The following RNF128 variants were observed in gnomAD, a reference collection of about 807,000 sequenced individuals.
The protein encoded by RNF128 is E3 ubiquitin-protein ligase RNF128.
A neutral mutation model predicts 26.2 loss-of-function variants in RNF128; 13 were observed. The ratio of observed to expected loss-of-function variants is 0.50; its 90% CI spans 0.32 to 0.79. RNF128 has a LOEUF of 0.79. Ranked by LOEUF, RNF128 falls within the 30% of genes least tolerant of loss-of-function variation. The pLI is 0.03. For synonymous variants in RNF128, 149 were observed against 142.5 expected (o/e 1.05, Z -0.32); for missense variants, 315 against 349.7 (o/e 0.90, Z 0.79).
chrX:106,765,895 T>A (rs1371080772), intron 1 of RNF128, among the ~76,000 whole-genome samples: 1 of 80,134 alleles, frequency 1.2e-5, no homozygotes, highest in Non-Finnish European at 2.3e-5. Context: ...CAGGCTCCAG[T>A]GTGTGATGTT....
rs1227303186 is a variant in RNF128, at chrX:106,726,739, C to T, written c.-175C>T. 1 of 1,045,578 alleles carries T rather than the reference C, an allele frequency of 9.6e-7. No individual in the cohort carries two copies. Among genetic ancestry groups the T allele is most frequent in the Non-Finnish European group, 1.2e-6 (1 of 821,962 alleles). 86.2% of individuals were successfully genotyped at this position (1,045,578 alleles called of 1,213,427 possible). A position where few individuals can be genotyped will look rare whatever the true frequency, so the allele number is the denominator to read the frequency against. ...AGACTGGAGCTCCGAGGAGCTGCATCTGCGGCAACCTGTGTGCTGACGCTA... is the reference window on the plus strand; with the variant it reads ...AGACTGGAGCTCCGAGGAGCTGCATTTGCGGCAACCTGTGTGCTGACGCTA... On this transcript the variant is annotated 5_prime_UTR_variant, in exon 1 of 7. Transcript: ENST00000255499.
At chrX:106,779,349 G>GTGTGTA (rs1491280622) in intron 2 of RNF128, among the ~76,000 whole-genome samples, 6 of 24,658 alleles carry the variant, frequency 2.4e-4, no homozygotes, top group African/African-American at 3.6e-4. Flanking sequence ...ACACAGTTAC[G>GTGTGTA]TGTGTGTGTG....
rs376454194 is a variant in RNF128, at chrX:106,743,915, A to G, written c.484+16518A>G. Among the ~76,000 whole-genome samples the G allele has an allele frequency of 9.8e-5, 11 of 112,129 alleles. No individual in the cohort carries two copies. In the East Asian group the frequency reaches 2.5e-3, roughly 26 times the overall value. On this transcript the variant is annotated intron_variant, in intron 1 of 6. Transcript: ENST00000255499. ...TGGCACATATACACCATGGAATACT[A>G]TGCAGCCATAAAACATGATGAGTTC...
At chrX:106,742,358 A>C (rs1322213168) in intron 1 of RNF128, among the ~76,000 whole-genome samples, 1 of 111,687 alleles carries the variant, frequency 9.0e-6, no homozygotes, top group South Asian at 3.8e-4. Flanking sequence ...AACAAACTCC[A>C]ATCCAGTATT....
rs747560268 is a variant in RNF128, at chrX:106,747,593, G to A, written c.484+20196G>A. The stretch of plus-strand genomic sequence containing the variant: ...TTCTGATCCCATTTGAGTTACTTTG[G>A]CTACATTATACTGTTTCTCTCTCCC... On this transcript the variant is annotated intron_variant, in intron 1 of 6. Coordinates refer to ENST00000255499, the MANE Select transcript of RNF128 (RefSeq NM_194463.2). Among the ~76,000 whole-genome samples, 3 of 111,131 alleles carry A rather than the reference G, an allele frequency of 2.7e-5. No homozygotes were observed. The South Asian group carries it at 1.1e-3, about 42-fold the overall frequency.
chrX:106,752,447 A>C (rs779551470), intron 1 of RNF128, among the ~76,000 whole-genome samples: 6 of 112,467 alleles, frequency 5.3e-5, no homozygotes, highest in Non-Finnish European at 1.1e-4. Context: ...AGACCACCAA[A>C]ACAGTACCTC....
intron 1 of RNF128, among the ~76,000 whole-genome samples, chrX:106,759,941 A>G (rs1297660949): frequency 2.7e-5 from 3 of 111,706 alleles, no homozygotes; most frequent in East Asian, 2.8e-4. Context: ...CATAACTGGA[A>G]TGTTTGTAAC....
At chrX:106,718,785 A>G (rs1163978145) in intron 1 of RNF128, among the ~76,000 whole-genome samples, 1 of 111,993 alleles carries the variant, frequency 8.9e-6, no homozygotes, top group East Asian at 2.8e-4. Flanking sequence ...ACATAACCGT[A>G]ACACTTGTCT....
At chrX:106,790,697 C>T (rs765304673) in intron 5 of RNF128, among the ~76,000 whole-genome samples, 1 of 110,842 alleles carries the variant, frequency 9.0e-6, no homozygotes, top group South Asian at 3.8e-4. Context: ...AACATAAAAT[C>T]GAGCTCAAAT....
intron 2 of RNF128, among the ~76,000 whole-genome samples, chrX:106,779,314 G>T (rs1402390508): frequency 9.3e-6 from 1 of 107,971 alleles, no homozygotes; most frequent in Non-Finnish European, 1.9e-5. Context: ...TAAAATGATT[G>T]ACATAAATTA....
Position 106,788,427 on chromosome X carries a change from T to A in RNF128, c.887+427T>A, listed in dbSNP as rs1362636487. 2.9e-3 allele frequency among the ~76,000 whole-genome samples: 128 copies of A among 43,951 alleles called. 2 individuals are homozygous for A. Among genetic ancestry groups the A allele is most frequent in the African/African-American group, 0.012 (126 of 10,372 alleles). The allele number at this position is 43,951 out of a possible 115,157, so 38.2% of individuals were successfully genotyped here. A position where few individuals can be genotyped will look rare whatever the true frequency, so the allele number is the denominator to read the frequency against. On this transcript the variant is annotated intron_variant, in intron 4 of 6. Transcript: ENST00000255499. ...ATAATATATAATATATAATATATAT[T>A]ATATATAATATTATTATAATTATAA...
intron 1 of RNF128, among the ~76,000 whole-genome samples, chrX:106,763,549 C>A (rs768511071): frequency 7.1e-4 from 80 of 112,991 alleles, no homozygotes; most frequent in African/African-American, 2.6e-3. Context: ...CTCTGTCGTC[C>A]AGGCTGGAGT....
intron 1 of RNF128, among the ~76,000 whole-genome samples, chrX:106,738,458 C>T (rs574485871): frequency 1.5e-4 from 17 of 111,578 alleles, no homozygotes; most frequent in African/African-American, 4.5e-4. Context: ...GCAGAAAAAA[C>T]GGAACATCCA....
chrX:106,721,727 G>A (rs929595934), upstream of RNF128, among the ~76,000 whole-genome samples: 4 of 111,721 alleles, frequency 3.6e-5, no homozygotes, highest in African/African-American at 1.3e-4. Context: ...ATCCAAATGC[G>A]AATGGCACTC....
intron 1 of RNF128, among the ~76,000 whole-genome samples, chrX:106,712,138 T>C (rs952237122): frequency 1.8e-5 from 2 of 112,334 alleles, no homozygotes; most frequent in East Asian, 5.5e-4. Flanking sequence ...GTCACGTCTT[T>C]ATATGTCTGA....
chrX:106,748,817 A>G (rs2147679831), intron 1 of RNF128, among the ~76,000 whole-genome samples: 1 of 111,604 alleles, frequency 9.0e-6, no homozygotes, highest in Non-Finnish European at 1.9e-5. Flanking sequence ...ACAGTTAGAC[A>G]GAAGAAATAA....
At chrX:106,707,827 A>G (rs1929068812) in intron 1 of RNF128, among the ~76,000 whole-genome samples, 1 of 111,500 alleles carries the variant, frequency 9.0e-6, no homozygotes, top group Non-Finnish European at 1.9e-5. Context: ...CACCAACTGA[A>G]AAGTACTACT....
chrX:106,788,832 A>G (rs1930743399), intron 4 of RNF128, among the ~76,000 whole-genome samples: 1 of 73,920 alleles, frequency 1.4e-5, no homozygotes. Flanking sequence ...ATAATTATAT[A>G]TACTACATAT....
At chrX:106,700,006 A>G (rs1928931301) in intron 1 of RNF128, among the ~76,000 whole-genome samples, 1 of 106,393 alleles carries the variant, frequency 9.4e-6, no homozygotes, top group Non-Finnish European at 1.9e-5. Flanking sequence ...TTTTTAATTT[A>G]TTTTTTAAAT....
Sources: gnomAD v4.1 joint callset for allele counts (sites outside exome capture counted in the v4.1 genomes callset) on GRCh38, gnomAD v4.1.1 for gene constraint, MANE v1.5 for transcripts, NCBI Gene and HGNC (gene_info 2026-07-23, HGNC 2026-07-21) for gene names.